Variants in MED27 observed in about 807,000 individuals in gnomAD.
The protein encoded by MED27 is mediator complex subunit 27, also known as mediator of RNA polymerase II transcription subunit 27.
In MED27, 30 loss-of-function variants were observed where a neutral mutation model predicts 38.2. The observed-to-expected ratio is 0.79, with a 90% CI of 0.59 to 1.07. The LOEUF (loss-of-function observed/expected upper bound fraction) is 1.07, where lower values mean the gene tolerates loss of function less well. Among genes scored for constraint, MED27 ranks in the 50% least tolerant of loss-of-function variants. MED27 has a pLI of 0.00. For missense variants in MED27, 289 were observed against 397.5 expected (o/e 0.73, Z 2.32); for synonymous variants, 122 against 153.5 (o/e 0.79, Z 1.52).
rs185770209 is a variant in MED27 at position 132,013,350 on chromosome 9, T to C, written c.479+987A>G. 2.9e-4 allele frequency among the ~76,000 whole-genome samples: 44 copies of C among 152,312 alleles called. No individual in the cohort carries two copies. In the East Asian group the frequency reaches 5.2e-3, roughly 18 times the overall value. ...ATGACACTGCATGATTCCGTTTAAA[T>C]GAAGTTCAAAGACAGGCAATATTAA... On this transcript the variant is annotated intron_variant, in intron 3 of 7. Coordinates refer to ENST00000292035, the MANE Select transcript of MED27 (RefSeq NM_004269.4).
At chr9:131,869,063 C>A (rs1351711675) in intron 6 of MED27, 2 of 985,332 alleles carry the variant, frequency 2.0e-6, no homozygotes, top group East Asian at 2.3e-4. Context: ...AGCATATATT[C>A]TCTTCCACTG....
chr9:131,992,445 T>C (rs1831995612), intron 3 of MED27, among the ~76,000 whole-genome samples: 1 of 152,072 alleles, frequency 6.6e-6, no homozygotes, highest in South Asian at 2.1e-4. Flanking sequence ...CCAGGCTGGA[T>C]GGAGTGCAGT....
At chr9:132,063,350 A>C (rs1833739940) in intron 2 of MED27, among the ~76,000 whole-genome samples, 1 of 152,226 alleles carries the variant, frequency 6.6e-6, no homozygotes, top group South Asian at 2.1e-4. Context: ...TGAGAAGGAC[A>C]ACACTTCACT....
At chr9:131,999,254 T>C (rs1010720427) in intron 3 of MED27, among the ~76,000 whole-genome samples, 1 of 152,156 alleles carries the variant, frequency 6.6e-6, no homozygotes, top group African/African-American at 2.4e-5. Flanking sequence ...AGGAGAAGTT[T>C]CAGCTCAACC....
At chr9:132,074,638 C>T (rs1834007685) in intron 2 of MED27, among the ~76,000 whole-genome samples, 1 of 152,190 alleles carries the variant, frequency 6.6e-6, no homozygotes, top group African/African-American at 2.4e-5. Context: ...TAATTGTTTG[C>T]TTCTTCCATG....
At chr9:131,877,242 A>G (rs1472998233) in intron 6 of MED27, among the ~76,000 whole-genome samples, 4 of 152,160 alleles carry the variant, frequency 2.6e-5, no homozygotes, top group African/African-American at 9.7e-5. Context: ...GGAAATGTAG[A>G]GGAGGCTGGT....
chr9:131,908,264 C>T (rs1308913561), intron 4 of MED27, among the ~76,000 whole-genome samples: 44 of 148,976 alleles, frequency 3.0e-4, no homozygotes, highest in East Asian at 1.9e-3. Flanking sequence ...GGGGGGTCAG[C>T]CCCCCGCCCG....
At chr9:131,972,533 C>A (rs1831501793) in intron 3 of MED27, among the ~76,000 whole-genome samples, 1 of 152,152 alleles carries the variant, frequency 6.6e-6, no homozygotes, top group Non-Finnish European at 1.5e-5. Context: ...TAGCACTCAG[C>A]CCTGTATACA....
chr9:132,049,480 T>C (rs889021665), intron 2 of MED27, among the ~76,000 whole-genome samples: 1 of 152,022 alleles, frequency 6.6e-6, no homozygotes, highest in African/African-American at 2.4e-5. Flanking sequence ...AGAGCAGCGG[T>C]AAAGTGGTCA....
chr9:131,968,567 G>T (rs752222537), intron 3 of MED27, among the ~76,000 whole-genome samples: 8 of 151,838 alleles, frequency 5.3e-5, no homozygotes, highest in Non-Finnish European at 8.8e-5. Context: ...TGCATGCAGA[G>T]ATAGGCCCAA....
intron 5 of MED27, 89 bp downstream of exon 5, chr9:131,893,796 T>C (rs566793643): frequency 3.6e-4 from 309 of 864,666 alleles, no homozygotes; most frequent in Non-Finnish European, 5.2e-4. Context: ...CTATGATTGC[T>C]AGTTTTTAAT....
intron 2 of MED27, among the ~76,000 whole-genome samples, chr9:132,024,698 T>A (rs562378997): frequency 1.3e-5 from 2 of 152,322 alleles, no homozygotes; most frequent in East Asian, 3.9e-4. Flanking sequence ...ACGATACCTC[T>A]TGGCATCATC....
At chr9:132,048,291 T>C (rs1037660412) in intron 2 of MED27, among the ~76,000 whole-genome samples, 3 of 152,230 alleles carry the variant, frequency 2.0e-5, no homozygotes, top group African/African-American at 7.2e-5. Context: ...AAAAAATGTT[T>C]CTTGAATGCA....
At chr9:132,010,104 C>T (rs1832450383) in intron 3 of MED27, among the ~76,000 whole-genome samples, 1 of 152,144 alleles carries the variant, frequency 6.6e-6, no homozygotes, top group African/African-American at 2.4e-5. Context: ...GCTTTGTTGC[C>T]ATTGCTTCTG....
chr9:132,009,088 C>T (rs755131851), intron 3 of MED27, among the ~76,000 whole-genome samples: 4 of 152,172 alleles, frequency 2.6e-5, no homozygotes, highest in Non-Finnish European at 5.9e-5. Flanking sequence ...GTCCATGTTG[C>T]TATGATGCTC....
chr9:132,076,334 G>C (rs975908806), intron 2 of MED27, among the ~76,000 whole-genome samples: 12 of 152,064 alleles, frequency 7.9e-5, no homozygotes, highest in African/African-American at 2.4e-4. Context: ...TTGGGGAAAG[G>C]CTTTACAGGC....
chr9:131,880,122 G>C (rs1367621352), intron 6 of MED27, among the ~76,000 whole-genome samples: 1 of 152,160 alleles, frequency 6.6e-6, no homozygotes, highest in Non-Finnish European at 1.5e-5. Flanking sequence ...ACCGCCCTGG[G>C]ATGGAGGCTA....
Position 131,899,521 on chromosome 9 carries a change from G to A in MED27, c.574-5529C>T, listed in dbSNP as rs536239413. Among the ~76,000 whole-genome samples, 26 of 152,212 alleles carry A rather than the reference G, an allele frequency of 1.7e-4. 1 individual carries two copies. The highest frequency in any genetic ancestry group is 2.9e-4 in the Non-Finnish European group (20 of 68,044). ...ACCCAGGGCAACTCAGACAACCTCT[G>A]GTGCCTGTTTACTCAGCTGTGAAAT... On this transcript the variant is annotated intron_variant, in intron 4 of 7. Coordinates refer to ENST00000292035, the MANE Select transcript of MED27 (RefSeq NM_004269.4).
intron 4 of MED27, among the ~76,000 whole-genome samples, chr9:131,911,755 A>G (rs777581208): frequency 3.9e-5 from 6 of 152,232 alleles, no homozygotes; most frequent in Non-Finnish European, 8.8e-5. Flanking sequence ...CGTATTCATT[A>G]AACAGGTGCT....
Sources: gnomAD v4.1 joint callset for allele counts (sites outside exome capture counted in the v4.1 genomes callset) on GRCh38, gnomAD v4.1.1 for gene constraint, MANE v1.5 for transcripts, NCBI Gene and HGNC (gene_info 2026-07-23, HGNC 2026-07-21) for gene names.